AIM2: variants seen among roughly 807,000 people sequenced by gnomAD.
The protein encoded by AIM2 is interferon-inducible protein AIM2.
AIM2 carries 30 observed loss-of-function variants against 27.7 expected under a neutral mutation model. That is an observed-to-expected ratio of 1.08 (90% CI 0.81 to 1.47). The LOEUF is 1.47. Among genes scored for constraint, AIM2 ranks in the 40% most tolerant of loss-of-function variants. AIM2 has a pLI of 0.00. For missense variants in AIM2, 358 were observed against 411.3 expected (o/e 0.87, Z 1.12); for synonymous variants, 141 against 145.3 (o/e 0.97, Z 0.21).
chr1:159,139,772 C>T (rs532058184), intron 1 of AIM2, among the ~76,000 whole-genome samples: 20 of 152,288 alleles, frequency 1.3e-4, no homozygotes, highest in African/African-American at 2.6e-4. Flanking sequence ...CACACATACC[C>T]GCCCTGTTTC....
chr1:159,114,440 G>A (rs146096573), intron 1 of AIM2, among the ~76,000 whole-genome samples: 62 of 152,298 alleles, frequency 4.1e-4, no homozygotes, highest in Middle Eastern at 6.8e-3. Context: ...GTCACTTGGG[G>A]ACGGGCATGG....
intron 5 of AIM2, 129 bp from the exon 6 acceptor site, chr1:159,062,847 C>A: frequency 1.2e-6 from 1 of 865,144 alleles, no homozygotes; most frequent in South Asian, 1.5e-5. Flanking sequence ...TCCCACCCTT[C>A]TAATACATTG....
intron 1 of AIM2, among the ~76,000 whole-genome samples, chr1:159,116,497 G>C (rs1210563812): frequency 1.3e-5 from 2 of 152,138 alleles, no homozygotes; most frequent in African/African-American, 4.8e-5. Context: ...GGAATACTAT[G>C]CAGCCATAAA....
chr1:159,107,785 C>A lies in AIM2; in HGVS notation c.-16+32646G>T, dbSNP rs190250119. ...AGGCTACTATGGACACCTTTACGTG[C>A]ATAAACTAGAAAACCAAGAAAAGAT... On this transcript the variant is annotated intron_variant, in intron 1 of 2. Transcript: ENST00000368129. Among the ~76,000 whole-genome samples the A allele has an allele frequency of 2.2e-4, 34 of 152,114 alleles. No homozygotes were observed. In the East Asian group the frequency reaches 6.4e-3, roughly 29 times the overall value.
downstream of AIM2, among the ~76,000 whole-genome samples, chr1:159,059,641 G>T (rs1269500747): frequency 1.3e-5 from 2 of 152,086 alleles, no homozygotes; most frequent in African/African-American, 4.8e-5. Context: ...GCCTATTCTT[G>T]AGTACCCTGG....
intron 1 of AIM2, among the ~76,000 whole-genome samples, chr1:159,102,227 C>T (rs1657329397): frequency 6.6e-6 from 1 of 152,222 alleles, no homozygotes; most frequent in Non-Finnish European, 1.5e-5. Context: ...GCCTTGGTAG[C>T]TTCCACGTGA....
At chr1:159,130,056 C>T (rs1225681747) in intron 1 of AIM2, among the ~76,000 whole-genome samples, 3 of 152,178 alleles carry the variant, frequency 2.0e-5, no homozygotes, top group African/African-American at 7.2e-5. Context: ...AAGGAAACGT[C>T]GGCCCTTATC....
chr1:159,063,797 A>G (rs971713476), intron 4 of AIM2, 123 bp from the exon 5 acceptor site: 1 of 1,055,762 alleles, frequency 9.5e-7, no homozygotes, highest in Non-Finnish European at 1.4e-6. Context: ...AACAACACAG[A>G]TTTTACCTGT....
intron 1 of AIM2, among the ~76,000 whole-genome samples, chr1:159,086,158 A>G (rs1656907837): frequency 6.6e-6 from 1 of 152,230 alleles, no homozygotes; most frequent in South Asian, 2.1e-4. Context: ...GATTTTACCC[A>G]TCATTCTATG....
rs1371747340 is a variant in AIM2 at position 159,084,804 on chromosome 1, CACACACACACATACAG to C, written c.-15-18491_-15-18476del. Among the ~76,000 whole-genome samples, 49 of 150,544 alleles carry C rather than the reference CACACACACACATACAG, an allele frequency of 3.3e-4. 2 individuals carry two copies. Among genetic ancestry groups the C allele is most frequent in the Admixed American group, 1.1e-3 (17 of 15,138 alleles). On this transcript the variant is annotated intron_variant, in intron 1 of 2. Coordinates refer to the AIM2 transcript ENST00000368129. ...ACACACACACACACACACACACACA[CACACACACACATACAG>C]ACACACACACACATCCCTCAGAGAT...
chr1:159,065,551 C>G (rs1326851216), intron 4 of AIM2, among the ~76,000 whole-genome samples: 1 of 152,182 alleles, frequency 6.6e-6, no homozygotes, highest in African/African-American at 2.4e-5. Context: ...ACTTACTTTG[C>G]ATTCACAACA....
upstream of AIM2, among the ~76,000 whole-genome samples, chr1:159,080,321 T>A (rs1249148637): frequency 1.3e-5 from 2 of 152,198 alleles, no homozygotes; most frequent in African/African-American, 2.4e-5. Context: ...ACGAAAGGTA[T>A]CTAATAAGTA....
chr1:159,145,742 A>G (rs1236145081), intron 1 of AIM2, among the ~76,000 whole-genome samples: 1 of 152,130 alleles, frequency 6.6e-6, no homozygotes. Context: ...ATGCTGAGAA[A>G]TCTGGAGGTA....
Position 159,112,927 on chromosome 1 carries a change from A to G in AIM2, c.-16+27504T>C, listed in dbSNP as rs186463593. On this transcript the variant is annotated intron_variant, in intron 1 of 2. Coordinates refer to the AIM2 transcript ENST00000368129. ...TACTCTGATGTTTCAAACCTAATATATACATACATATATATATATATATAA... is the reference window on the plus strand; with the variant it reads ...TACTCTGATGTTTCAAACCTAATATGTACATACATATATATATATATATAA... Among the ~76,000 whole-genome samples, 248 of 140,778 alleles carry G rather than the reference A, an allele frequency of 1.8e-3. 1 individual carries two copies. In the Middle Eastern group the frequency reaches 0.026, roughly 15 times the overall value. The allele number at this position is 140,778 out of a possible 152,430, so 92.4% of individuals were successfully genotyped here.
chr1:159,076,436 C>T (rs951427244), intron 1 of AIM2, among the ~76,000 whole-genome samples, 197 bp downstream of exon 1: 1 of 152,166 alleles, frequency 6.6e-6, no homozygotes, highest in South Asian at 2.1e-4. Context: ...TAAGGAACAC[C>T]AGCTCAGAGA....
At chr1:159,122,266 T>A (rs763311428) in intron 1 of AIM2, 1 of 152,148 alleles carries the variant, frequency 6.6e-6, no homozygotes, top group South Asian at 2.1e-4. Context: ...GTGCTCCTGG[T>A]TTGGTGGCTC....
intron 1 of AIM2, among the ~76,000 whole-genome samples, chr1:159,096,052 G>T (rs1164419313): frequency 6.6e-6 from 1 of 152,120 alleles, no homozygotes; most frequent in Non-Finnish European, 1.5e-5. Context: ...AGCTGTCTTG[G>T]TAGAGTACAT....
At chr1:159,098,551 A>G (rs553269091) in intron 1 of AIM2, among the ~76,000 whole-genome samples, 1 of 152,326 alleles carries the variant, frequency 6.6e-6, no homozygotes, top group East Asian at 1.9e-4. Flanking sequence ...AAAAAGTTCT[A>G]TTGTGTATTG....
chr1:159,111,061 T>A (rs1325165620), intron 1 of AIM2, among the ~76,000 whole-genome samples: 2 of 152,132 alleles, frequency 1.3e-5, no homozygotes, highest in Non-Finnish European at 2.9e-5. Flanking sequence ...ATTTAGCATC[T>A]ACAATGAACA....
Sources: allele counts gnomAD v4.1 joint callset (sites outside exome capture counted in the v4.1 genomes callset), GRCh38; gene constraint gnomAD v4.1.1; transcripts MANE v1.5; gene names NCBI Gene and HGNC (gene_info 2026-07-23, HGNC 2026-07-21).